ATP1A4: variants seen among roughly 807,000 people sequenced by gnomAD.
The protein encoded by ATP1A4 is sodium/potassium-transporting ATPase subunit alpha-4.
In ATP1A4, 90 loss-of-function variants were observed where a neutral mutation model predicts 114.3. The ratio of observed to expected loss-of-function variants is 0.79; its 90% CI spans 0.66 to 0.94. The LOEUF is 0.94. ATP1A4 is among the 40% of genes least tolerant of loss of function. The pLI, the probability that ATP1A4 is intolerant of heterozygous loss-of-function variation, is 0.00. For synonymous variants in ATP1A4, 511 were observed against 494.1 expected (o/e 1.03, Z -0.45); for missense variants, 1,222 against 1,313.6 (o/e 0.93, Z 1.08).
rs1048930334 is a variant in ATP1A4, at chr1:160,164,198, T to C, written c.821T>C (p.Val274Ala). The C allele has an allele frequency of 2.5e-6, 4 of 1,614,090 alleles. No individual in the cohort carries two copies. Among genetic ancestry groups the C allele is most frequent in the Non-Finnish European group, 3.4e-6 (4 of 1,180,044 alleles). Reference sequence around the variant, plus strand: ...GTGATTGCTACGGGAGACTCCACAGTGATGGGCAGAATTGCCTCCCTGACG... The same window carrying C: ...GTGATTGCTACGGGAGACTCCACAGCGATGGGCAGAATTGCCTCCCTGACG... ...GIVIATGDST[V>A]MGRIASLTSG... Residue 274 changes from valine (V) to alanine (A), a missense_variant, in exon 7 of 22, where the codon GTG (valine) becomes GCG (alanine). Coordinates refer to ENST00000368081, the MANE Select transcript of ATP1A4 (RefSeq NM_144699.4).
chr1:160,159,536 G>A lies in ATP1A4; in HGVS notation c.778+10G>A, dbSNP rs1212426398. The A allele has an allele frequency of 6.9e-6, 11 of 1,601,842 alleles. No homozygotes were observed. The highest frequency in any genetic ancestry group is 1.3e-5 in the African/African-American group (1 of 74,424). On this transcript the variant is annotated intron_variant, in intron 6 of 21. Transcript: ENST00000368081. ...ACCAACTGTGTGGAAGGTGAATATC[G>A]AACCATAAGTAGCATAGATTCAAAA...
chr1:160,179,368 T>C (rs531765282), intron 18 of ATP1A4, among the ~76,000 whole-genome samples: 1 of 152,318 alleles, frequency 6.6e-6, no homozygotes, highest in African/African-American at 2.4e-5. Context: ...AGATGCAGCA[T>C]AACATAAATT....
chr1:160,164,511 C>T lies in ATP1A4; in HGVS notation c.1047+87C>T, dbSNP rs1571018497. ...ACTAGCGTCTCTTTTGTTGTTGAAC[C>T]TTTCAAGTGCAGGGTCTTCCTGATA... is the stretch of plus-strand genomic sequence containing the variant. On this transcript the variant is annotated intron_variant, in intron 7 of 21. Coordinates refer to ENST00000368081, the MANE Select transcript of ATP1A4 (RefSeq NM_144699.4). 11 of 1,407,082 alleles carry T rather than the reference C, an allele frequency of 7.8e-6. No individual in the cohort carries two copies. The East Asian group carries it at 2.5e-4, about 32-fold the overall frequency. The allele number at this position is 1,407,082 out of a possible 1,614,324, so 87.2% of individuals were successfully genotyped here.
At chr1:160,177,785 C>A (rs1266300453) in intron 18 of ATP1A4, 121 bp downstream of exon 18, 4 of 1,130,564 alleles carry the variant, frequency 3.5e-6, no homozygotes. Context: ...GAGCTGATGC[C>A]TTTTCTTCAG....
rs547382108 is a variant in ATP1A4, at chr1:160,172,049, CTT to C, written c.1854+294_1854+295del. On this transcript the variant is annotated intron_variant, in intron 12 of 21. Coordinates refer to ENST00000368081, the MANE Select transcript of ATP1A4 (RefSeq NM_144699.4). Reference sequence around the variant, plus strand: ...ATCCTGGCAACAGTATTTTTAAAAACTTTCCTGGAGATTCCAATGAGCAGAGA... The same window carrying C: ...ATCCTGGCAACAGTATTTTTAAAAACTCCTGGAGATTCCAATGAGCAGAGA... 4.1e-3 allele frequency among the ~76,000 whole-genome samples: 623 copies of C among 152,224 alleles called. 3 individuals carry two copies. The highest frequency in any genetic ancestry group is 0.015 in the African/African-American group (612 of 41,516).
chr1:160,176,887 T>C (rs1653484664), intron 17 of ATP1A4, among the ~76,000 whole-genome samples: 1 of 152,210 alleles, frequency 6.6e-6, no homozygotes, highest in South Asian at 2.1e-4. Flanking sequence ...ATTATGAGGA[T>C]AGCCAGAGAG....
chr1:160,179,318 A>T (rs984231902), intron 18 of ATP1A4, among the ~76,000 whole-genome samples: 2 of 152,224 alleles, frequency 1.3e-5, no homozygotes, highest in Admixed American at 1.3e-4. Context: ...TCCCAGCTCA[A>T]GCCCTTGTTT....
chr1:160,165,635 C>T lies in ATP1A4; in HGVS notation c.1048-893C>T, dbSNP rs145596003. Among the ~76,000 whole-genome samples the T allele has an allele frequency of 2.4e-3, 369 of 152,068 alleles. 1 individual carries two copies. The highest frequency in any genetic ancestry group is 0.01 in the Middle Eastern group (3 of 294). ...AAAATTAGACAGGCATGGTGGCTGGCGCCTGTAGTCCCAGCTACTTGGGAA... is the reference window on the plus strand; with the variant it reads ...AAAATTAGACAGGCATGGTGGCTGGTGCCTGTAGTCCCAGCTACTTGGGAA... On this transcript the variant is annotated intron_variant, in intron 7 of 21. Transcript: ENST00000368081.
At position 160,152,095 on chromosome 1, in the gene ATP1A4, C is replaced by A. The variant is rs146860131; in HGVS notation, c.55C>A (p.Arg19=). The A allele has an allele frequency of 5.6e-4, 899 of 1,613,644 alleles. 3 individuals are homozygous for A. In the African/African-American group the frequency reaches 0.011, roughly 20 times the overall value. ...TVAPHDQSPR[R]RPKKGLIKKK... is the part of the protein sequence containing the mutation. ...GGCTCCCCATGACCAGAGTCCAAGA[C>A]GAAGACCTAAAAAAGGGCTTATCAA... Residue 19 remains arginine (R), a synonymous_variant, in exon 1 of 22, where the codon CGA becomes AGA. Transcript: ENST00000368081.
chr1:160,152,009 T>C lies in ATP1A4; in HGVS notation c.-32T>C, dbSNP rs376918422. 2.5e-6 allele frequency: 4 copies of C among 1,598,822 alleles called. No homozygotes were observed. The highest frequency in any genetic ancestry group is 3.4e-6 in the Non-Finnish European group (4 of 1,173,374). Reference sequence around the variant, plus strand: ...CACTCTCTCAGCTTTCTTCCCACAGTTGAGCTCGGGCAGCTCTTTCTGGGG... The same window carrying C: ...CACTCTCTCAGCTTTCTTCCCACAGCTGAGCTCGGGCAGCTCTTTCTGGGG... On this transcript the variant is annotated 5_prime_UTR_variant, in exon 1 of 22. Coordinates refer to ENST00000368081, the MANE Select transcript of ATP1A4 (RefSeq NM_144699.4).
intron 7 of ATP1A4, among the ~76,000 whole-genome samples, chr1:160,166,173 G>A (rs1176920551): frequency 2.0e-5 from 3 of 152,178 alleles, no homozygotes; most frequent in African/African-American, 7.2e-5. Flanking sequence ...GGGAGCCTGA[G>A]GCAGAAGAAT....
rs531542172 is a variant in ATP1A4, at chr1:160,156,448, C to G, written c.525+290C>G. ...AGAACATTCTATTTTTTTAAAGAGA[C>G]AAGTGTTGGTGGGGGTGGGAGCGGG... On this transcript the variant is annotated intron_variant, in intron 4 of 21. Transcript: ENST00000368081. Among the ~76,000 whole-genome samples, 123 of 129,716 alleles carry G rather than the reference C, an allele frequency of 9.5e-4. 4 individuals are homozygous for G. In the South Asian group the frequency reaches 0.029, roughly 31 times the overall value. 85.1% of individuals were successfully genotyped at this position (129,716 alleles called of 152,430 possible).
At chr1:160,185,082 C>A (rs1653831575) in intron 20 of ATP1A4, among the ~76,000 whole-genome samples, 1 of 150,852 alleles carries the variant, frequency 6.6e-6, no homozygotes, top group South Asian at 2.1e-4. Flanking sequence ...TCTAATATGA[C>A]ATTTATCATA....
chr1:160,176,047 G>A (rs767432514), intron 15 of ATP1A4, 45 bp from the exon 16 acceptor site: 16 of 1,609,006 alleles, frequency 9.9e-6, no homozygotes, highest in Admixed American at 6.7e-5. Flanking sequence ...TGAGGGAGGC[G>A]TGTTCTCCCA....
At chr1:160,165,101 T>A (rs1186384120) in intron 7 of ATP1A4, among the ~76,000 whole-genome samples, 2 of 152,236 alleles carry the variant, frequency 1.3e-5, no homozygotes, top group African/African-American at 2.4e-5. Context: ...CCCTCTTCCC[T>A]TAGCCATTCT....
chr1:160,153,104 C>A, intron 1 of ATP1A4, 61 bp from the exon 2 acceptor site: 1 of 1,350,672 alleles, frequency 7.4e-7, no homozygotes, highest in Non-Finnish European at 1.1e-6. Context: ...TGTTTCTCCC[C>A]CTCTCCCTGG....
At position 160,174,147 on chromosome 1, in the gene ATP1A4, G is replaced by A. The variant is rs571007580; in HGVS notation, c.2028G>A (p.Leu676=). 27 of 1,614,052 alleles carry A rather than the reference G, an allele frequency of 1.7e-5. No homozygotes were observed. The highest frequency in any genetic ancestry group is 3.3e-4 in the Middle Eastern group (2 of 6,084). ...CCATTGTGGTGCATGGTGCAGAACT[G>A]AAGGACATACAGTCCAAGCAGCTTG... ...AKAIVVHGAE[L]KDIQSKQLDQ... The change falls in exon 14 of 22, where the codon CTG becomes CTA. Residue 676 remains leucine (L), a synonymous_variant. Coordinates refer to ENST00000368081, the MANE Select transcript of ATP1A4 (RefSeq NM_144699.4).
rs2102006965 is a variant in ATP1A4, at chr1:160,152,168, T to C, written c.128T>C (p.Leu43Pro). 6.2e-7 allele frequency: 1 copy of C among 1,613,694 alleles called. No homozygotes were observed. The highest frequency in any genetic ancestry group is 1.1e-5 in the South Asian group (1 of 91,048). ...AAACAGAAGCGCAATATGGAGGAAC[T>C]GAAGAAGGAAGTGGTCATGGTGAGG... is the stretch of plus-strand genomic sequence containing the variant. ...REKQKRNMEE[L>P]KKEVVMDDHK... Residue 43 changes from leucine to proline, a missense_variant, in exon 1 of 22, where the codon CTG becomes CCG. By Grantham distance (98) the Leu-to-Pro change is moderately conservative. Coordinates refer to ENST00000368081, the MANE Select transcript of ATP1A4 (RefSeq NM_144699.4).
At chr1:160,169,638 T>G (rs1348318499) in intron 10 of ATP1A4, 1 of 152,294 alleles carries the variant, frequency 6.6e-6, no homozygotes, top group Non-Finnish European at 1.5e-5. Flanking sequence ...GCACTCCCGC[T>G]GTTCCTTTCA....
Sources: allele counts gnomAD v4.1 joint callset (sites outside exome capture counted in the v4.1 genomes callset), GRCh38; gene constraint gnomAD v4.1.1; transcripts MANE v1.5; gene names NCBI Gene and HGNC (gene_info 2026-07-23, HGNC 2026-07-21).